Variants in METAP2 observed in about 807,000 individuals in gnomAD.
METAP2 encodes the protein methionyl aminopeptidase 2, also known as methionine aminopeptidase 2.
METAP2 carries 25 observed loss-of-function variants against 59.4 expected under a neutral mutation model. The observed-to-expected ratio is 0.42, with a 90% CI of 0.31 to 0.59. METAP2 has a LOEUF of 0.59. METAP2 is among the 20% of genes least tolerant of loss of function. The pLI, the probability that METAP2 is intolerant of heterozygous loss-of-function variation, is 0.16. For missense variants in METAP2, 366 were observed against 581.2 expected, an observed-to-expected ratio of 0.63 and a Z score of 3.81; for synonymous variants, 214 against 194.1, an observed-to-expected ratio of 1.10 and a Z score of -0.85.
intron 7 of METAP2, among the ~76,000 whole-genome samples, chr12:95,500,147 C>T (rs566686470): frequency 5.3e-5 from 8 of 150,234 alleles, no homozygotes; most frequent in Admixed American, 4.0e-4. Context: ...GGGTTAATTC[C>T]TAAGTTTTTT....
chr12:95,483,927 T>C (rs559318673), intron 3 of METAP2, among the ~76,000 whole-genome samples: 1 of 152,158 alleles, frequency 6.6e-6, no homozygotes, highest in Non-Finnish European at 1.5e-5. Flanking sequence ...TTATTATTAA[T>C]AATAACTTTT....
intron 4 of METAP2, among the ~76,000 whole-genome samples, chr12:95,490,460 T>G (rs980005340): frequency 6.6e-6 from 1 of 151,856 alleles, no homozygotes; most frequent in Non-Finnish European, 1.5e-5. Context: ...TCAAGTGTAT[T>G]GTTACTAGTT....
At chr12:95,495,970 TAAG>T (rs757360439) in intron 6 of METAP2, 31 bp from the exon 7 acceptor site, 4 of 1,258,752 alleles carry the variant, frequency 3.2e-6, no homozygotes, top group Non-Finnish European at 4.6e-6. Flanking sequence ...GACTAGCTGA[TAAG>T]TAAAATTAAA....
At chr12:95,489,191 ATTG>A in intron 4 of METAP2, among the ~76,000 whole-genome samples, 1 of 152,310 alleles carries the variant, frequency 6.6e-6, no homozygotes, top group Admixed American at 6.5e-5. Flanking sequence ...TTGTTAACAG[ATTG>A]TTAATACTTT....
At chr12:95,498,870 C>G (rs575384872) in intron 7 of METAP2, among the ~76,000 whole-genome samples, 1 of 152,018 alleles carries the variant, frequency 6.6e-6, no homozygotes, top group African/African-American at 2.4e-5. Context: ...AACAAATTAG[C>G]CAGGTGTGAT....
chr12:95,493,858 C>T (rs1202433495), intron 4 of METAP2, among the ~76,000 whole-genome samples, 198 bp from the exon 5 acceptor site: 1 of 152,174 alleles, frequency 6.6e-6, no homozygotes, highest in African/African-American at 2.4e-5. Context: ...TTTTCCCTCC[C>T]TTAGAGTCTT....
chr12:95,482,867 C>T lies in METAP2; in HGVS notation c.260-348C>T, dbSNP rs373204534. 1.1e-4 allele frequency among the ~76,000 whole-genome samples: 16 copies of T among 152,296 alleles called. 1 individual carries two copies. Among genetic ancestry groups the T allele is most frequent in the South Asian group, 4.1e-4 (2 of 4,830 alleles). The stretch of plus-strand genomic sequence containing the variant: ...TGGCATTTTCATATGGTTCAACCCA[C>T]GTAAGTCCTAGATCACGTTACCTCC... On this transcript the variant is annotated intron_variant, in intron 2 of 10. Coordinates refer to ENST00000323666, the MANE Select transcript of METAP2 (RefSeq NM_006838.4).
chr12:95,501,323 C>T (rs1012260936), intron 7 of METAP2, among the ~76,000 whole-genome samples: 2 of 152,024 alleles, frequency 1.3e-5, no homozygotes, highest in African/African-American at 2.4e-5. Context: ...CCACTGTGTC[C>T]GACCTAATAA....
Position 95,513,511 on chromosome 12 carries a change from C to T in METAP2, c.1185-141C>T, listed in dbSNP as rs1323451221. ...AGGTATGGGCTATTATACATTCTGG[C>T]TTTTGATTGTTGAAAGAGCAACAAT... On this transcript the variant is annotated intron_variant, in intron 10 of 10. Transcript: ENST00000323666. 8 of 908,610 alleles carry T rather than the reference C, an allele frequency of 8.8e-6. No homozygotes were observed. The Admixed American group carries it at 2.2e-4, about 25-fold the overall frequency. The allele number at this position is 908,610 out of a possible 1,614,324, so 56.3% of individuals were successfully genotyped here.
chr12:95,495,658 A>G (rs1051696813), intron 6 of METAP2, among the ~76,000 whole-genome samples: 1 of 152,082 alleles, frequency 6.6e-6, no homozygotes, highest in Admixed American at 6.5e-5. Flanking sequence ...AGAGCCCTGT[A>G]TACTTTCTCT....
chr12:95,484,921 G>A (rs535832527), intron 3 of METAP2: 1 of 449,798 alleles, frequency 2.2e-6, no homozygotes, highest in East Asian at 7.0e-5. Context: ...TACTTTGAAT[G>A]TCTCTTTATT....
intron 4 of METAP2, among the ~76,000 whole-genome samples, 158 bp downstream of exon 4, chr12:95,486,139 A>G (rs1273021495): frequency 6.6e-5 from 10 of 152,220 alleles, no homozygotes; most frequent in Admixed American, 6.5e-5. Flanking sequence ...ATCCAAAATG[A>G]TTGGGACCAA....
intron 8 of METAP2, 35 bp from the exon 9 acceptor site, chr12:95,511,860 C>T (rs766633383): frequency 6.8e-7 from 1 of 1,470,762 alleles, no homozygotes; most frequent in East Asian, 2.3e-5. Context: ...TCTTGAGATC[C>T]TGAATGACTT....
Position 95,512,918 on chromosome 12 carries a change from TGA to T in METAP2, c.1184+7_1184+8del. 1 of 1,543,576 alleles carries T rather than the reference TGA, an allele frequency of 6.5e-7. No individual in the cohort carries two copies. Among genetic ancestry groups the T allele is most frequent in the Non-Finnish European group, 8.9e-7 (1 of 1,117,782 alleles). ...TGATGTTGGACATGTGCCAATAAGG[TGA>T]GAGACGAGACGATTGATTTTATGTG... On this transcript the variant is annotated splice_donor_region_variant and intron_variant, in intron 10 of 10. Transcript: ENST00000323666.
At chr12:95,505,635 C>T (rs1376432260) in intron 8 of METAP2, among the ~76,000 whole-genome samples, 6 of 152,116 alleles carry the variant, frequency 3.9e-5, no homozygotes, top group Admixed American at 3.9e-4. Context: ...GCTGAGATTA[C>T]AGACGTGTGC....
chr12:95,492,189 CAG>C (rs1489241482), intron 4 of METAP2, among the ~76,000 whole-genome samples: 2 of 150,062 alleles, frequency 1.3e-5, no homozygotes, highest in Non-Finnish European at 3.0e-5. Flanking sequence ...TTGGTGGAGA[CAG>C]GGTCCCACTG....
At chr12:95,475,933 A>G (rs2076114948) in intron 1 of METAP2, 138 bp from the exon 2 acceptor site, 4 of 570,740 alleles carry the variant, frequency 7.0e-6, no homozygotes, top group Non-Finnish European at 6.2e-6. Context: ...CATTAAACGA[A>G]TTCTGTTATG....
intron 7 of METAP2, among the ~76,000 whole-genome samples, chr12:95,497,935 G>A (rs1358180873): frequency 1.3e-5 from 2 of 151,460 alleles, no homozygotes; most frequent in Admixed American, 6.6e-5. Context: ...AGACCATCCT[G>A]GCTAACATGG....
At chr12:95,474,658 G>A (rs1010246695) in intron 1 of METAP2, among the ~76,000 whole-genome samples, 1 of 152,196 alleles carries the variant, frequency 6.6e-6, no homozygotes, top group Non-Finnish European at 1.5e-5. Flanking sequence ...GCAGAGCACA[G>A]CCCTACCATC....
Sources: allele counts gnomAD v4.1 joint callset (sites outside exome capture counted in the v4.1 genomes callset), GRCh38; gene constraint gnomAD v4.1.1; transcripts MANE v1.5; gene names NCBI Gene and HGNC (gene_info 2026-07-23, HGNC 2026-07-21).